HDAC9: variants seen among roughly 807,000 people sequenced by gnomAD.
The protein encoded by HDAC9 is histone deacetylase 9.
Under a neutral mutation model 139.4 loss-of-function variants are expected in HDAC9, and 41 were observed. That is an observed-to-expected ratio of 0.29 (90% CI 0.23 to 0.38). The LOEUF (loss-of-function observed/expected upper bound fraction) is 0.38. Among genes scored for constraint, HDAC9 ranks in the 10% least tolerant of loss-of-function variants. The probability of loss-of-function intolerance (pLI) is 1.00; values close to 1 mark genes in which losing one functional copy is unlikely to be tolerated. For missense variants in HDAC9, 1,147 were observed against 1,297.0 expected (o/e 0.88, Z 1.78); for synonymous variants, 517 against 476.2 (o/e 1.09, Z -1.12).
chr7:18,342,497 T>C (rs1782092535), intron 1 of HDAC9, among the ~76,000 whole-genome samples: 1 of 151,874 alleles, frequency 6.6e-6, no homozygotes, highest in Non-Finnish European at 1.5e-5. Context: ...CATTATGCCA[T>C]CTTGACAGGA....
chr7:18,429,096 A>T (rs141051523), intron 1 of HDAC9: 6 of 152,256 alleles, frequency 3.9e-5, no homozygotes, highest in African/African-American at 1.2e-4. Flanking sequence ...CACAGTCCTT[A>T]TCACCAACTA....
At chr7:18,811,157 T>G (rs1794142838) in intron 17 of HDAC9, among the ~76,000 whole-genome samples, 1 of 151,868 alleles carries the variant, frequency 6.6e-6, no homozygotes, top group South Asian at 2.1e-4. Context: ...GCCTTATCAG[T>G]CTGGCTAGAG....
intron 2 of HDAC9, among the ~76,000 whole-genome samples, chr7:18,557,320 A>G (rs1036618037): frequency 6.6e-6 from 1 of 150,640 alleles, no homozygotes; most frequent in Non-Finnish European, 1.5e-5. Context: ...GGGCTTTGAC[A>G]ACTTTAAAGC....
chr7:18,214,003 T>G (rs994084899), intron 2 of HDAC9, among the ~76,000 whole-genome samples: 8 of 152,098 alleles, frequency 5.3e-5, no homozygotes, highest in African/African-American at 1.7e-4. Context: ...ATAAGTGATA[T>G]TAGAACATAA....
At chr7:18,766,782 A>G (rs540303492) in intron 15 of HDAC9, among the ~76,000 whole-genome samples, 74 of 152,336 alleles carry the variant, frequency 4.9e-4, no homozygotes, top group African/African-American at 1.7e-3. Flanking sequence ...ATTGTAATGT[A>G]TAATATAGAC....
chr7:18,610,154 A>T (rs1156513427), intron 6 of HDAC9, among the ~76,000 whole-genome samples: 1 of 152,166 alleles, frequency 6.6e-6, no homozygotes, highest in African/African-American at 2.4e-5. Context: ...ACCAACCCCA[A>T]TGTCCATCAG....
chr7:18,681,151 CTTCT>C (rs1781863450), intron 12 of HDAC9, among the ~76,000 whole-genome samples: 1 of 151,934 alleles, frequency 6.6e-6, no homozygotes, highest in African/African-American at 2.4e-5. Context: ...TTCAAGCCTT[CTTCT>C]TTGGTTCATG....
chr7:18,774,465 G>A (rs1376731217), intron 16 of HDAC9, among the ~76,000 whole-genome samples: 1 of 151,998 alleles, frequency 6.6e-6, no homozygotes, highest in African/African-American at 2.4e-5. Context: ...AATAAAGTGA[G>A]TCACACAAAT....
At chr7:18,698,371 T>C (rs971139853) in intron 12 of HDAC9, among the ~76,000 whole-genome samples, 2 of 152,190 alleles carry the variant, frequency 1.3e-5, no homozygotes, top group African/African-American at 4.8e-5. Flanking sequence ...CTGCAGTAGC[T>C]GACATCAAAA....
At chr7:18,396,431 T>C (rs1389436625) in intron 1 of HDAC9, among the ~76,000 whole-genome samples, 1 of 152,078 alleles carries the variant, frequency 6.6e-6, no homozygotes, top group African/African-American at 2.4e-5. Context: ...CAGCACAGGA[T>C]ATATAGTTAG....
At chr7:18,886,609 T>G (rs1800177309) in intron 22 of HDAC9, among the ~76,000 whole-genome samples, 1 of 152,196 alleles carries the variant, frequency 6.6e-6, no homozygotes, top group Non-Finnish European at 1.5e-5. Flanking sequence ...GCATCTTAGA[T>G]TCAATGGAAA....
chr7:18,505,579 G>A (rs917684505), intron 2 of HDAC9, among the ~76,000 whole-genome samples: 4 of 152,070 alleles, frequency 2.6e-5, no homozygotes, highest in African/African-American at 4.8e-5. Context: ...ATCATACTAC[G>A]TTTTACTTTA....
At chr7:18,799,023 T>C (rs184600208) in intron 17 of HDAC9, among the ~76,000 whole-genome samples, 6 of 150,462 alleles carry the variant, frequency 4.0e-5, no homozygotes, top group African/African-American at 1.5e-4. Context: ...TGGCTAAATA[T>C]TTAAAATGTG....
At chr7:18,093,861 T>C (rs1782328804) in intron 1 of HDAC9, among the ~76,000 whole-genome samples, 1 of 152,220 alleles carries the variant, frequency 6.6e-6, no homozygotes, top group South Asian at 2.1e-4. Context: ...TTTTTTCTTC[T>C]GTTTTATGTA....
chr7:18,871,154 G>T (rs1338370151), intron 21 of HDAC9, among the ~76,000 whole-genome samples: 2 of 151,978 alleles, frequency 1.3e-5, no homozygotes, highest in African/African-American at 2.4e-5. Context: ...TGATTGTTTG[G>T]ATTATAATCC....
At chr7:18,694,960 A>AT (rs1358425269) in intron 12 of HDAC9, among the ~76,000 whole-genome samples, 4 of 152,102 alleles carry the variant, frequency 2.6e-5, no homozygotes, top group Admixed American at 2.6e-4. Flanking sequence ...GACATTTTTT[A>AT]TTTTGTTTCA....
chr7:18,303,672 C>T (rs149617529), intron 1 of HDAC9, among the ~76,000 whole-genome samples: 1 of 152,188 alleles, frequency 6.6e-6, no homozygotes, highest in African/African-American at 2.4e-5. Flanking sequence ...CGTGGCTGGC[C>T]AGCTAGGCAC....
At chr7:18,198,923 A>T (rs1157850323) in intron 2 of HDAC9, among the ~76,000 whole-genome samples, 1 of 152,150 alleles carries the variant, frequency 6.6e-6, no homozygotes, top group Non-Finnish European at 1.5e-5. Flanking sequence ...GTTGTTTTAG[A>T]TATTAATTAA....
intron 2 of HDAC9, among the ~76,000 whole-genome samples, chr7:18,562,007 C>CT (rs1820773716): frequency 6.6e-6 from 1 of 152,090 alleles, no homozygotes; most frequent in South Asian, 2.1e-4. Flanking sequence ...TATAATACAT[C>CT]TTTTTGATTA....
Sources: allele counts gnomAD v4.1 joint callset (sites outside exome capture counted in the v4.1 genomes callset), GRCh38; gene constraint gnomAD v4.1.1; transcripts MANE v1.5; gene names NCBI Gene and HGNC (gene_info 2026-07-23, HGNC 2026-07-21).